The following ADGRG1 variants were observed in gnomAD, a reference collection of about 807,000 sequenced individuals.
ADGRG1 encodes 7-transmembrane protein with no EGF-like N-terminal domains-1.
ADGRG1 carries 53 observed loss-of-function variants against 73.5 expected under a neutral mutation model. The observed-to-expected ratio is 0.72, with a 90% CI of 0.58 to 0.91. The LOEUF (loss-of-function observed/expected upper bound fraction) is 0.91. Among genes scored for constraint, ADGRG1 ranks in the 40% least tolerant of loss-of-function variants. The pLI, the probability that ADGRG1 is intolerant of heterozygous loss-of-function variation, is 0.00. For missense variants in ADGRG1, 795 were observed against 871.8 expected (o/e 0.91, Z 1.11); for synonymous variants, 394 against 374.4 (o/e 1.05, Z -0.60).
rs759451555 is a variant in ADGRG1, at chr16:57,659,618, G to A, written c.1492G>A (p.Val498Met). The change falls in exon 11 of 14, where the codon GTG becomes ATG. Residue 498 changes from valine (V) to methionine (M), a missense_variant. Val to Met is a conservative substitution (Grantham distance 21). Coordinates refer to ENST00000562631, the MANE Select transcript of ADGRG1 (RefSeq NM_201525.4). The stretch of plus-strand genomic sequence containing the variant: ...CGAGGGGTACAACCTCTACCGACTC[G>A]TGGTGGAGGTCTTTGGCACCTATGT... The part of the protein sequence containing the change: ...GLEGYNLYRL[V>M]VEVFGTYVPG... The A allele has an allele frequency of 4.3e-6, 7 of 1,613,264 alleles. No individual in the cohort carries two copies. In the Admixed American group the frequency reaches 5.0e-5, roughly 12 times the overall value.
chr16:57,632,880 G>A (rs1192759016), intron 1 of ADGRG1: 1 of 985,340 alleles, frequency 1.0e-6, no homozygotes, highest in African/African-American at 1.7e-5. Context: ...CAACCCTGGT[G>A]GCCTGAAAAG....
intron 1 of ADGRG1, among the ~76,000 whole-genome samples, chr16:57,644,873 CAT>C (rs749532953): frequency 4.0e-4 from 59 of 148,438 alleles, no homozygotes; most frequent in Non-Finnish European, 3.9e-4. Context: ...TGCACACACA[CAT>C]GTACACTCAT....
chr16:57,630,113 G>A (rs949571964), intron 1 of ADGRG1: 13 of 687,140 alleles, frequency 1.9e-5, no homozygotes, highest in Admixed American at 6.3e-5. Flanking sequence ...GAACATGGCC[G>A]TGGGTGAGGC....
chr16:57,638,067 C>T (rs866074962), intron 1 of ADGRG1, among the ~76,000 whole-genome samples: 59 of 152,328 alleles, frequency 3.9e-4, no homozygotes, highest in Middle Eastern at 6.8e-3. Context: ...CCCTTTGACT[C>T]AGTGGGTATG....
intron 1 of ADGRG1, chr16:57,630,979 A>G (rs1311408804): frequency 3.0e-6 from 3 of 985,682 alleles, no homozygotes; most frequent in South Asian, 4.7e-5. Context: ...GTGGGGGGGA[A>G]GAGAGGCAGG....
intron 6 of ADGRG1, 164 bp downstream of exon 6, chr16:57,655,694 G>A: frequency 1.0e-6 from 1 of 985,406 alleles, no homozygotes; most frequent in Non-Finnish European, 1.2e-6. Flanking sequence ...AGAGGGCTAA[G>A]CAATGTTCTT....
rs1452716737 is a variant in ADGRG1, at chr16:57,660,955, T to A, written c.1664+79T>A. ...CAGAGTGCAGCCCGGGCCCAGGTCA[T>A]GCTGGCCAGGGGACACCTGGGTTCC... On this transcript the variant is annotated intron_variant, in intron 12 of 13. Transcript: ENST00000562631. The A allele has an allele frequency of 3.4e-6, 3 of 877,950 alleles. No individual in the cohort carries two copies. In the African/African-American group the frequency reaches 5.0e-5, roughly 15 times the overall value. 54.4% of individuals were successfully genotyped at this position (877,950 alleles called of 1,614,324 possible).
At chr16:57,627,260 T>C (rs1439525421), upstream of ADGRG1, 1 of 176,736 alleles carries the variant, frequency 5.7e-6, no homozygotes. Flanking sequence ...GGGAAGCTTT[T>C]CCTGGCCCCC....
rs1226514204 is a variant in ADGRG1 at position 57,653,418 on chromosome 16, G to A, written c.620+83G>A. 5 of 1,585,386 alleles carry A rather than the reference G, an allele frequency of 3.2e-6. No homozygotes were observed. The Admixed American group carries it at 8.7e-5, about 27-fold the overall frequency. ...TGGGCAGGGTGGGACCTGGAGTAGG[G>A]GCTACTGCGAGGCCTTCCCTGGGAC... On this transcript the variant is annotated intron_variant, in intron 4 of 13. Coordinates refer to ENST00000562631, the MANE Select transcript of ADGRG1 (RefSeq NM_201525.4).
intron 1 of ADGRG1, chr16:57,634,727 G>GGC (rs1437222117): frequency 1.1e-5 from 2 of 174,072 alleles, no homozygotes; most frequent in Non-Finnish European, 2.3e-5. Context: ...AAGCAACTTT[G>GGC]GCATCGCATG....
chr16:57,652,361 C>T (rs2044309269), intron 3 of ADGRG1, among the ~76,000 whole-genome samples: 1 of 151,630 alleles, frequency 6.6e-6, no homozygotes, highest in Admixed American at 6.6e-5. Flanking sequence ...TGAGGCAGGG[C>T]TTTCAGGGGT....
intron 2 of ADGRG1, chr16:57,621,793 G>A: frequency 4.5e-6 from 4 of 891,824 alleles, no homozygotes; most frequent in Non-Finnish European, 5.4e-6. Context: ...GGGAGCTGCT[G>A]ATGCAAGAGG....
At chr16:57,625,541 C>T (rs1345693736), upstream of ADGRG1, 2 of 984,410 alleles carry the variant, frequency 2.0e-6, no homozygotes, top group Non-Finnish European at 2.4e-6. Context: ...CCCAACTTCC[C>T]CTCTACTCCT....
intron 1 of ADGRG1, chr16:57,647,193 A>T (rs2148052851): frequency 1.0e-6 from 1 of 985,346 alleles, no homozygotes; most frequent in Admixed American, 6.1e-5. Flanking sequence ...CTGTGTGGCA[A>T]CTTTCTTGTC....
At chr16:57,651,695 A>G in intron 3 of ADGRG1, 73 bp downstream of exon 3, 2 of 1,532,056 alleles carry the variant, frequency 1.3e-6, no homozygotes, top group South Asian at 1.2e-5. Context: ...TGCAAAGTGG[A>G]CTGGGCTCAC....
At chr16:57,630,449 T>C in intron 1 of ADGRG1, 1 of 985,694 alleles carries the variant, frequency 1.0e-6, no homozygotes, top group Non-Finnish European at 1.2e-6. Context: ...TCCTCTCCTC[T>C]CGCCTCAGGA....
At chr16:57,641,619 G>C in intron 1 of ADGRG1, 1 of 909,902 alleles carries the variant, frequency 1.1e-6, no homozygotes, top group Non-Finnish European at 1.3e-6. Flanking sequence ...AGGCTGGAGT[G>C]CAGTGGTGTG....
intron 1 of ADGRG1, chr16:57,636,857 CATGTCA>C (rs1165771773): frequency 5.1e-6 from 1 of 196,438 alleles, no homozygotes; most frequent in African/African-American, 2.4e-5. Context: ...ATGGCAGAGT[CATGTCA>C]ATGTTGGGTG....
chr16:57,659,403 T>C lies in ADGRG1; in HGVS notation c.1287-10T>C, dbSNP rs1363579941. The C allele has an allele frequency of 6.8e-6, 11 of 1,613,612 alleles. No individual in the cohort carries two copies. Among genetic ancestry groups the C allele is most frequent in the Middle Eastern group, 1.6e-4 (1 of 6,062 alleles). On this transcript the variant is annotated splice_polypyrimidine_tract_variant and intron_variant, in intron 10 of 13. Coordinates refer to ENST00000562631, the MANE Select transcript of ADGRG1 (RefSeq NM_201525.4). ...CCACACTGGCCCACCAGGGTGCCCC[T>C]GCCGTGCAGGAGGAAACCTCGGGAC...
Sources: allele counts gnomAD v4.1 joint callset (sites outside exome capture counted in the v4.1 genomes callset), GRCh38; gene constraint gnomAD v4.1.1; transcripts MANE v1.5; gene names NCBI Gene and HGNC (gene_info 2026-07-23, HGNC 2026-07-21).